Variants in OAS2 observed in about 807,000 individuals in gnomAD.
The protein encoded by OAS2 is 2'-5'-oligoadenylate synthase 2.
Under a neutral mutation model 71.3 loss-of-function variants are expected in OAS2, and 67 were observed. The ratio of observed to expected loss-of-function variants is 0.94; its 90% CI spans 0.77 to 1.15. OAS2 has a LOEUF of 1.15. Among genes scored for constraint, OAS2 ranks in the 50% most tolerant of loss-of-function variants. The pLI, the probability that OAS2 is intolerant of heterozygous loss-of-function variation, is 0.00. For synonymous variants in OAS2, 327 were observed against 321.8 expected, an observed-to-expected ratio of 1.02 and a Z score of -0.17; for missense variants, 789 against 822.5, an observed-to-expected ratio of 0.96 and a Z score of 0.50.
chr12:112,982,275 T>C (rs2044090680), intron 1 of OAS2, among the ~76,000 whole-genome samples: 1 of 152,168 alleles, frequency 6.6e-6, no homozygotes, highest in Non-Finnish European at 1.5e-5. Context: ...GCTGAAAGCC[T>C]TTCCCAATTC....
At chr12:113,006,322 C>T in intron 7 of OAS2, 91 bp from the exon 8 acceptor site, 1 of 1,140,182 alleles carries the variant, frequency 8.8e-7, no homozygotes, top group Non-Finnish European at 1.2e-6. Flanking sequence ...CAGTAATTTC[C>T]AAGAATTAAA....
Position 113,005,004 on chromosome 12 carries a change from C to G in OAS2, c.1250C>G (p.Ser417Ter). 1 of 1,614,166 alleles carries G rather than the reference C, an allele frequency of 6.2e-7. No individual in the cohort carries two copies. ...GCCGATCTCGTCGTGTTCCATAACT[C>G]ACTTAAAAGCTACACCTCCCAAAAA... ...SDADLVVFHNSLKSYTSQKNE... is the reference protein window; with the variant it reads ...SDADLVVFHN The change falls in exon 7 of 10, where the codon TCA becomes TGA. Residue 417 changes from serine to a stop codon, truncating the protein, a stop_gained. Transcript: ENST00000392583. LOFTEE classifies it high-confidence loss of function.
At position 113,010,355 on chromosome 12, in the gene OAS2, C is replaced by A; in HGVS notation, c.*1100C>A. On this transcript the variant is annotated 3_prime_UTR_variant, in exon 10 of 10. Coordinates refer to ENST00000392583, the MANE Select transcript of OAS2 (RefSeq NM_002535.3). ...ACTATTAGGAGACATTGCTCTCCCA[C>A]GTATGTTTTTCTTTTTAGACAATGC... is the stretch of plus-strand genomic sequence containing the variant. 1 of 1,608,270 alleles carries A rather than the reference C, an allele frequency of 6.2e-7. No homozygotes were observed. The highest frequency in any genetic ancestry group is 8.5e-7 in the Non-Finnish European group (1 of 1,178,250).
intron 2 of OAS2, among the ~76,000 whole-genome samples, chr12:112,991,162 A>G (rs1174496275): frequency 6.6e-6 from 1 of 152,146 alleles, no homozygotes; most frequent in East Asian, 1.9e-4. Context: ...ACTTTGGCCT[A>G]TACTGTTCCT....
rs1388240361 is a variant in OAS2 at position 112,987,071 on chromosome 12, G to A, written c.211G>A (p.Gly71Ser). ...CTATGGACGGAAAACAGTCTTAAGA[G>A]GCAACTCCGATGGTACCCTTGTCCT... ...GSYGRKTVLR[G>S]NSDGTLVLFF... Residue 71 changes from glycine (G) to serine (S), a missense_variant, in exon 2 of 10, where the codon GGC (glycine) becomes AGC (serine). Coordinates refer to ENST00000392583, the MANE Select transcript of OAS2 (RefSeq NM_002535.3). The A allele has an allele frequency of 1.2e-6, 2 of 1,613,874 alleles. No homozygotes were observed. Among genetic ancestry groups the A allele is most frequent in the Non-Finnish European group, 8.5e-7 (1 of 1,179,822 alleles).
rs1312102110 is a variant in OAS2 at position 113,010,458 on chromosome 12, A to T, written c.*1203A>T. The T allele has an allele frequency of 6.2e-7, 1 of 1,613,794 alleles. No individual in the cohort carries two copies. The highest frequency in any genetic ancestry group is 2.2e-5 in the East Asian group (1 of 44,868). On this transcript the variant is annotated 3_prime_UTR_variant, in exon 10 of 10. Transcript: ENST00000392583. Reference sequence around the variant, plus strand: ...CTCATCCAGAAGCCATAGAATCCTGAATAATAATTCTAAAAGAAACTTCTA... The same window carrying T: ...CTCATCCAGAAGCCATAGAATCCTGTATAATAATTCTAAAAGAAACTTCTA...
chr12:112,995,194 C>T (rs572035691), intron 2 of OAS2, 102 bp from the exon 3 acceptor site: 14 of 1,014,684 alleles, frequency 1.4e-5, no homozygotes, highest in Admixed American at 7.2e-5. Context: ...AAGCAAGAGT[C>T]GTGTGCTATC....
intron 4 of OAS2, among the ~76,000 whole-genome samples, chr12:112,998,039 G>A (rs1237380821): frequency 1.3e-5 from 2 of 152,210 alleles, no homozygotes; most frequent in African/African-American, 4.8e-5. Context: ...TGGGGGGCAG[G>A]AAGAGGAGAC....
At chr12:112,998,454 G>T in intron 5 of OAS2, 44 bp downstream of exon 5, 1 of 1,586,888 alleles carries the variant, frequency 6.3e-7, no homozygotes, top group South Asian at 1.2e-5. Flanking sequence ...GCTGCAGGAA[G>T]GTCTTCCTGA....
At chr12:113,001,485 CACATATATAT>C (rs1192253290) in intron 5 of OAS2, among the ~76,000 whole-genome samples, 3 of 145,610 alleles carry the variant, frequency 2.1e-5, no homozygotes, top group Non-Finnish European at 3.0e-5. Flanking sequence ...CACATATATA[CACATATATAT>C]ACACATCTAT....
At chr12:112,995,147 T>G in intron 2 of OAS2, 149 bp from the exon 3 acceptor site, 2 of 641,038 alleles carry the variant, frequency 3.1e-6, no homozygotes, top group Non-Finnish European at 5.3e-6. Context: ...CCTTCCCTAC[T>G]ATGTTTTATG....
At position 113,005,105 on chromosome 12, in the gene OAS2, G is replaced by T. The variant is rs1281663270; in HGVS notation, c.1351G>T (p.Glu451Ter). Residue 451 changes from glutamate (E) to a stop codon, truncating the protein, a stop_gained, in exon 7 of 10, where the codon GAA becomes TAA. Coordinates refer to ENST00000392583, the MANE Select transcript of OAS2 (RefSeq NM_002535.3). LOFTEE classifies it high-confidence loss of function. ...AFWREKEEEL[E>*]VSFEPPKWKA... is the part of the protein sequence containing the mutation. ...TTGGAGGGAGAAGGAGGAGGAGCTT[G>T]AAGTCAGCTTTGAGCCTCCCAAGTG... is the stretch of plus-strand genomic sequence containing the variant. 8.7e-6 allele frequency: 14 copies of T among 1,614,164 alleles called. No individual in the cohort carries two copies. Among genetic ancestry groups the T allele is most frequent in the Non-Finnish European group, 1.1e-5 (13 of 1,180,006 alleles).
At chr12:113,001,479 TATATAC>T in intron 5 of OAS2, among the ~76,000 whole-genome samples, 1 of 148,030 alleles carries the variant, frequency 6.8e-6, no homozygotes, top group South Asian at 2.1e-4. Context: ...TATATACACA[TATATAC>T]ACATATATAT....
intron 7 of OAS2, 53 bp downstream of exon 7, chr12:113,005,275 G>C: frequency 6.4e-7 from 1 of 1,552,768 alleles, no homozygotes; most frequent in East Asian, 2.3e-5. Flanking sequence ...AAGGTGGAGG[G>C]AGAGCCACGT....
At position 113,010,382 on chromosome 12, in the gene OAS2, G is replaced by A. The variant is rs763010947; in HGVS notation, c.*1127G>A. 1 of 1,613,142 alleles carries A rather than the reference G, an allele frequency of 6.2e-7. No homozygotes were observed. Among genetic ancestry groups the A allele is most frequent in the African/African-American group, 1.3e-5 (1 of 74,980 alleles). ...TATGTTTTTCTTTTTAGACAATGCA[G>A]ACACCAGGAAGTTGTGGAGCTAGGA... On this transcript the variant is annotated 3_prime_UTR_variant, in exon 10 of 10. Coordinates refer to ENST00000392583, the MANE Select transcript of OAS2 (RefSeq NM_002535.3).
rs2044146283 is a variant in OAS2, at chr12:112,987,209, A to G, written c.349A>G (p.Asn117Asp). 3 of 1,614,198 alleles carry G rather than the reference A, an allele frequency of 1.9e-6. No individual in the cohort carries two copies. The East Asian group carries it at 6.7e-5, about 36-fold the overall frequency. The change falls in exon 2 of 10, where the codon AAT becomes GAT. Residue 117 changes from asparagine to aspartate, a missense_variant. Coordinates refer to ENST00000392583, the MANE Select transcript of OAS2 (RefSeq NM_002535.3). ...FCLFTKWLKN[N>D]FEIQKSLDGF... ...TCTGTTCACGAAGTGGTTGAAAAAC[A>G]ATTTCGAGATCCAGAAGTCCCTTGA...
In OAS2 at chr12:113,010,175, T is replaced by C. The variant is rs1385292775; in HGVS notation, c.*920T>C. On this transcript the variant is annotated 3_prime_UTR_variant, in exon 10 of 10. Coordinates refer to ENST00000392583, the MANE Select transcript of OAS2 (RefSeq NM_002535.3). The stretch of plus-strand genomic sequence containing the variant: ...CCCTACACCCCAACCCTGGGGGGAA[T>C]GTAGGGAAGAGGTGGCCAAGCCAAC... 3 of 1,329,436 alleles carry C rather than the reference T, an allele frequency of 2.3e-6. No individual in the cohort carries two copies. Among genetic ancestry groups the C allele is most frequent in the African/African-American group, 1.5e-5 (1 of 66,742 alleles). 82.4% of individuals were successfully genotyped at this position (1,329,436 alleles called of 1,614,324 possible).
intron 1 of OAS2, among the ~76,000 whole-genome samples, chr12:112,982,112 T>C (rs1413267793): frequency 6.6e-6 from 1 of 152,196 alleles, no homozygotes; most frequent in East Asian, 1.9e-4. Flanking sequence ...TTATCAGTTC[T>C]AAGAGGTTTT....
chr12:113,008,785 CCCAGCTAATTTT>C (rs1565998709), intron 9 of OAS2, among the ~76,000 whole-genome samples: 3 of 152,114 alleles, frequency 2.0e-5, no homozygotes, highest in African/African-American at 7.2e-5. Context: ...CACCACCACG[CCCAGCTAATTTT>C]TGTATTTTTA....
Sources: allele counts gnomAD v4.1 joint callset (sites outside exome capture counted in the v4.1 genomes callset), GRCh38; gene constraint gnomAD v4.1.1; transcripts MANE v1.5; gene names NCBI Gene and HGNC (gene_info 2026-07-23, HGNC 2026-07-21).